The following GALNS variants were observed in gnomAD, a reference collection of about 807,000 sequenced individuals.
GALNS encodes N-acetylgalactosamine-6-sulfatase.
A neutral mutation model predicts 65.9 loss-of-function variants in GALNS; 65 were observed. The ratio of observed to expected loss-of-function variants is 0.99; its 90% CI spans 0.81 to 1.21. The LOEUF (loss-of-function observed/expected upper bound fraction) is 1.21. GALNS is among the 50% of genes most tolerant of loss of function. The pLI, the probability that GALNS is intolerant of heterozygous loss-of-function variation, is 0.00. For missense variants in GALNS, 776 were observed against 700.7 expected (o/e 1.11, Z -1.21); for synonymous variants, 346 against 288.9 (o/e 1.20, Z -2.00).
chr16:88,853,218 T>C (rs968783188), intron 1 of GALNS, among the ~76,000 whole-genome samples: 5 of 120,186 alleles, frequency 4.2e-5, no homozygotes, highest in African/African-American at 1.7e-4. Context: ...ACCACTGCAA[T>C]CCAGCCTGGG....
intron 10 of GALNS, among the ~76,000 whole-genome samples, 168 bp downstream of exon 10, chr16:88,826,534 C>T (rs994017917): frequency 1.1e-4 from 17 of 152,148 alleles, no homozygotes; most frequent in Non-Finnish European, 1.8e-4. Context: ...ACAGGCAGGT[C>T]CCCAGGTCCT....
chr16:88,851,661 G>A (rs1967514746), intron 1 of GALNS, among the ~76,000 whole-genome samples: 1 of 152,304 alleles, frequency 6.6e-6, no homozygotes, highest in East Asian at 1.9e-4. Flanking sequence ...CGCCCAAATA[G>A]TGCGCTTTTC....
In GALNS at chr16:88,839,261, C is replaced by T. The variant is rs533239253; in HGVS notation, c.423-1496G>A. 1.1e-4 allele frequency among the ~76,000 whole-genome samples: 16 copies of T among 148,522 alleles called. No individual in the cohort carries two copies. In the South Asian group the frequency reaches 1.9e-3, roughly 18 times the overall value. On this transcript the variant is annotated intron_variant, in intron 4 of 13. Coordinates refer to ENST00000268695, the MANE Select transcript of GALNS (RefSeq NM_000512.5). ...TCGTGCGCCCACGTCCGCAGGTCAC[C>T]GCCCGGCCACAGGGGACACTCGTGC...
chr16:88,856,063 G>A (rs1967843910), intron 1 of GALNS: 2 of 656,750 alleles, frequency 3.0e-6, no homozygotes, highest in East Asian at 2.7e-5. Flanking sequence ...CATGCCCCAG[G>A]CAGGCTCATT....
Position 88,815,634 on chromosome 16 carries a change from C to T in GALNS, c.1483-1109G>A, listed in dbSNP as rs182667778. 4.1e-5 allele frequency: 40 copies of T among 985,472 alleles called. No homozygotes were observed. In the African/African-American group the frequency reaches 7.0e-4, roughly 17 times the overall value. 61.0% of individuals were successfully genotyped at this position (985,472 alleles called of 1,614,324 possible). A position where few individuals can be genotyped will look rare whatever the true frequency, so the allele number is the denominator to read the frequency against. On this transcript the variant is annotated intron_variant, in intron 13 of 13. Coordinates refer to ENST00000268695, the MANE Select transcript of GALNS (RefSeq NM_000512.5). Reference sequence around the variant, plus strand: ...GTCCCCATCCAGGCCACTTCTGTGCCACGTCAGACGCCGCATGGCCCTGAG... The same window carrying T: ...GTCCCCATCCAGGCCACTTCTGTGCTACGTCAGACGCCGCATGGCCCTGAG...
intron 1 of GALNS, among the ~76,000 whole-genome samples, chr16:88,849,785 G>A (rs574961771): frequency 5.9e-5 from 9 of 152,374 alleles, no homozygotes; most frequent in Admixed American, 5.9e-4. Context: ...AGGCTGGAAT[G>A]AAAGGAGGAC....
In GALNS at chr16:88,831,989, CTG is replaced by C; in HGVS notation, c.1002+7_1002+8del. The C allele has an allele frequency of 1.2e-6, 2 of 1,611,778 alleles. No individual in the cohort carries two copies. The highest frequency in any genetic ancestry group is 1.7e-6 in the Non-Finnish European group (2 of 1,178,752). On this transcript the variant is annotated splice_region_variant and intron_variant, in intron 9 of 13. Coordinates refer to ENST00000268695, the MANE Select transcript of GALNS (RefSeq NM_000512.5). ...CTGCTGCCCGGCAGACCGGTGGACGCTGACTCACCTGGCCTGCAGTGACGTGC... is the reference window on the plus strand; with the variant it reads ...CTGCTGCCCGGCAGACCGGTGGACGCACTCACCTGGCCTGCAGTGACGTGC...
chr16:88,833,283 G>A (rs1235606868), intron 8 of GALNS, among the ~76,000 whole-genome samples: 1 of 152,042 alleles, frequency 6.6e-6, no homozygotes, highest in Non-Finnish European at 1.5e-5. Flanking sequence ...AACCCGGCCT[G>A]TCTCAGGGAG....
chr16:88,816,511 G>A (rs1267203888), intron 13 of GALNS: 4 of 983,648 alleles, frequency 4.1e-6, no homozygotes, highest in Non-Finnish European at 4.8e-6. Context: ...AACTTGCCAG[G>A]CACCCCCGCC....
chr16:88,856,627 C>T (rs1326527031), intron 1 of GALNS, 131 bp downstream of exon 1: 1 of 552,318 alleles, frequency 1.8e-6, no homozygotes, highest in African/African-American at 2.1e-5. Flanking sequence ...GGCCTCCCCC[C>T]TTCCCCAAGG....
At chr16:88,842,966 C>T (rs1051821512) in intron 1 of GALNS, 137 bp from the exon 2 acceptor site, 1 of 1,529,282 alleles carries the variant, frequency 6.5e-7, no homozygotes, top group Admixed American at 2.0e-5. Flanking sequence ...AGCGGCAGAG[C>T]TCGGCCAAAC....
Position 88,814,490 on chromosome 16 carries a change from C to G in GALNS, c.1518G>C (p.Lys506Asn), listed in dbSNP as rs1445491258. 2.6e-6 allele frequency: 4 copies of G among 1,561,910 alleles called. No individual in the cohort carries two copies. The highest frequency in any genetic ancestry group is 3.5e-6 in the Non-Finnish European group (4 of 1,152,428). Reference protein sequence around the residue: ...WAPPGCEKLGKCLTPPESIPK... With the variant: ...WAPPGCEKLGNCLTPPESIPK... The stretch of plus-strand genomic sequence containing the variant: ...GAATGGATTCTGGAGGTGTCAGACA[C>G]TTCCCTAACTTTTCACAGCCCGGAG... Residue 506 changes from lysine to asparagine, a missense_variant, in exon 14 of 14, where the codon AAG becomes AAC. By Grantham distance (94) the Lys-to-Asn change is moderately conservative. Coordinates refer to ENST00000268695, the MANE Select transcript of GALNS (RefSeq NM_000512.5).
At position 88,813,927 on chromosome 16, in the gene GALNS, A is replaced by G. The variant is rs2043053376; in HGVS notation, c.*512T>C. 1.0e-5 allele frequency: 2 copies of G among 200,608 alleles called. No homozygotes were observed. Among genetic ancestry groups the G allele is most frequent in the African/African-American group, 4.6e-5 (2 of 43,248 alleles). The allele number at this position is 200,608 out of a possible 1,614,324, so 12.4% of individuals were successfully genotyped here. On this transcript the variant is annotated 3_prime_UTR_variant, in exon 14 of 14. Coordinates refer to ENST00000268695, the MANE Select transcript of GALNS (RefSeq NM_000512.5). Reference sequence around the variant, plus strand: ...GCTTATATGATTGCCCCGTTCCCTTACTGTTTACATAAAAATGCGGATTCA... The same window carrying G: ...GCTTATATGATTGCCCCGTTCCCTTGCTGTTTACATAAAAATGCGGATTCA...
chr16:88,825,729 T>C (rs1021264717), intron 10 of GALNS, among the ~76,000 whole-genome samples: 2 of 152,064 alleles, frequency 1.3e-5, no homozygotes, highest in African/African-American at 4.8e-5. Context: ...CGGGGTCTCC[T>C]GACCATGTTG....
intron 1 of GALNS, chr16:88,855,530 C>T (rs953425445): frequency 4.3e-6 from 3 of 702,214 alleles, no homozygotes; most frequent in Non-Finnish European, 7.8e-6. Flanking sequence ...TCACTGCACA[C>T]AAATAAGACA....
chr16:88,822,329 G>C (rs1597534113), intron 12 of GALNS, among the ~76,000 whole-genome samples: 1 of 152,214 alleles, frequency 6.6e-6, no homozygotes, highest in Non-Finnish European at 1.5e-5. Context: ...ATGCAGCTCA[G>C]AGTAGGGGAT....
In GALNS at chr16:88,836,210, G is replaced by A; in HGVS notation, c.624C>T (p.Ile208=). 6.2e-7 allele frequency: 1 copy of A among 1,613,410 alleles called. No homozygotes were observed. The highest frequency in any genetic ancestry group is 1.1e-5 in the South Asian group (1 of 91,064). Residue 208 remains isoleucine, a synonymous_variant, in exon 6 of 14, where the codon ATC becomes ATT. Coordinates refer to ENST00000268695, the MANE Select transcript of GALNS (RefSeq NM_000512.5). ...LKTGEANLTQ[I]YLQEALDFIK... ...GTGCGGTCCCCATCACCTGCAGGTA[G>A]ATCTGGGTGAGGTTGGCTTCCCCCG...
chr16:88,833,710 A>G (rs1419646784), intron 8 of GALNS, among the ~76,000 whole-genome samples: 1 of 151,794 alleles, frequency 6.6e-6, no homozygotes, highest in East Asian at 1.9e-4. Flanking sequence ...TCAGCCTCCC[A>G]AAGTGCTGGG....
chr16:88,832,184 C>G, intron 8 of GALNS, 83 bp from the exon 9 acceptor site: 9 of 1,252,954 alleles, frequency 7.2e-6, no homozygotes, highest in Non-Finnish European at 9.2e-6. Context: ...GTCACTGAGA[C>G]TGGTCATAGG....
Sources: gnomAD v4.1 joint callset for allele counts (sites outside exome capture counted in the v4.1 genomes callset) on GRCh38, gnomAD v4.1.1 for gene constraint, MANE v1.5 for transcripts, NCBI Gene and HGNC (gene_info 2026-07-23, HGNC 2026-07-21) for gene names.